Variants in MYT1L observed in about 807,000 individuals in gnomAD.
MYT1L encodes myelin transcription factor 1 like.
In MYT1L, 12 loss-of-function variants were observed where a neutral mutation model predicts 126.7. That is an observed-to-expected ratio of 0.09 (90% CI 0.06 to 0.15). The LOEUF (loss-of-function observed/expected upper bound fraction) is 0.15. MYT1L is among the 10% of genes least tolerant of loss of function. The probability of loss-of-function intolerance (pLI) is 1.00; values close to 1 mark genes in which losing one functional copy is unlikely to be tolerated. For synonymous variants in MYT1L, 541 were observed against 604.2 expected (o/e 0.90, Z 1.53); for missense variants, 979 against 1,585.2 (o/e 0.62, Z 6.49).
In MYT1L at chr2:1,969,532, C is replaced by T. The variant is rs976785953; in HGVS notation, c.152+9633G>A. Among the ~76,000 whole-genome samples, 62 of 152,198 alleles carry T rather than the reference C, an allele frequency of 4.1e-4. 1 individual carries two copies. Among genetic ancestry groups the T allele is most frequent in the Admixed American group, 3.0e-3 (46 of 15,288 alleles). ...TTCTCACTTAGCTGGTCCCAGGTGA[C>T]GCTGATGTTCTGGATCAGGGAACCC... On this transcript the variant is annotated intron_variant, in intron 8 of 24. Transcript: ENST00000647738.
rs2042830874 is a variant in MYT1L at position 1,848,706 on chromosome 2, T to C, written c.2774+2935A>G. ...GTTTCCTTGTTTGCTTGTTGGCTTC[T>C]GTCTGTCTGCAGCAGCTCATTTACA... is the stretch of plus-strand genomic sequence containing the variant. On this transcript the variant is annotated intron_variant, in intron 19 of 24. Transcript: ENST00000647738. This position sits in a 1 kb window ranked among gnomAD's most constrained non-coding sequence, Gnocchi z 4.8. 6.6e-6 allele frequency among the ~76,000 whole-genome samples: 1 copy of C among 152,182 alleles called. No homozygotes were observed. The highest frequency in any genetic ancestry group is 2.1e-4 in the South Asian group (1 of 4,822).
At chr2:2,063,718 C>T (rs1444329227) in intron 3 of MYT1L, among the ~76,000 whole-genome samples, 2 of 152,106 alleles carry the variant, frequency 1.3e-5, no homozygotes, top group Non-Finnish European at 2.9e-5. Flanking sequence ...ATGACACGTG[C>T]CTGTAATCCC....
intron 14 of MYT1L, among the ~76,000 whole-genome samples, chr2:1,900,469 T>C (rs2050190320): frequency 6.6e-6 from 1 of 152,068 alleles, no homozygotes; most frequent in African/African-American, 2.4e-5. Flanking sequence ...CTGGCTAATT[T>C]TTTGTATTTT....
At chr2:1,919,874 G>A (rs987096213) in intron 10 of MYT1L, among the ~76,000 whole-genome samples, 81 of 152,024 alleles carry the variant, frequency 5.3e-4, no homozygotes, top group African/African-American at 1.8e-3. Context: ...GACTACAGGC[G>A]CCCACCACCA....
At position 1,979,158 on chromosome 2, in the gene MYT1L, G is replaced by C; in HGVS notation, c.152+7C>G. 1 of 1,611,296 alleles carries C rather than the reference G, an allele frequency of 6.2e-7. No individual in the cohort carries two copies. The highest frequency in any genetic ancestry group is 8.5e-7 in the Non-Finnish European group (1 of 1,178,416). On this transcript the variant is annotated splice_region_variant and intron_variant, in intron 8 of 24. Coordinates refer to ENST00000647738, the MANE Select transcript of MYT1L (RefSeq NM_001303052.2). This position sits in a 1 kb window ranked among gnomAD's most constrained non-coding sequence, Gnocchi z 4.0. ...GCACATTGTGGAAAAAAAAATGCAG[G>C]CATTACCTTCTGTGTCTTGCATATT...
chr2:2,060,471 T>A (rs890562644), intron 3 of MYT1L, among the ~76,000 whole-genome samples: 11 of 152,204 alleles, frequency 7.2e-5, no homozygotes, highest in African/African-American at 2.4e-4. Flanking sequence ...AAGAATGATC[T>A]ATTACTTTAT....
intron 4 of MYT1L, among the ~76,000 whole-genome samples, chr2:2,038,611 C>T (rs543182580): frequency 1.3e-5 from 2 of 152,226 alleles, no homozygotes; most frequent in South Asian, 2.1e-4. Flanking sequence ...CCCTTCAAAT[C>T]GATTTTTTAT....
intron 1 of MYT1L, among the ~76,000 whole-genome samples, chr2:2,292,293 G>C (rs541465346): frequency 6.0e-4 from 91 of 152,344 alleles, no homozygotes; most frequent in Middle Eastern, 3.4e-3. Context: ...GCTCAGGCCA[G>C]CCTGCGGCCT....
In MYT1L at chr2:2,285,956, A is replaced by G. The variant is rs140168997; in HGVS notation, c.-520-1453T>C. 2.6e-5 allele frequency among the ~76,000 whole-genome samples: 4 copies of G among 151,478 alleles called. No individual in the cohort carries two copies. In the East Asian group the frequency reaches 7.8e-4, roughly 30 times the overall value. ...CTCAGACCCTCCAAACAATCCTCCA[A>G]TTCTTTGTTCTTCACTCTTCTTCTT... On this transcript the variant is annotated intron_variant, in intron 1 of 24. Coordinates refer to ENST00000647738, the MANE Select transcript of MYT1L (RefSeq NM_001303052.2).
intron 1 of MYT1L, among the ~76,000 whole-genome samples, chr2:2,291,712 AGCTTCCCTT>A (rs1275776167): frequency 3.9e-5 from 6 of 152,216 alleles, no homozygotes; most frequent in Non-Finnish European, 8.8e-5. Context: ...GGTGGACAGC[AGCTTCCCTT>A]GCCACGTGCA....
intron 9 of MYT1L, among the ~76,000 whole-genome samples, chr2:1,942,194 C>T (rs115617215): frequency 0.011 from 1,680 of 152,282 alleles, 16 homozygotes; most frequent in Admixed American, 0.023. Flanking sequence ...ACAAACAAAA[C>T]CACAAAACTC....
chr2:2,180,024 C>T (rs1183987481), intron 2 of MYT1L, among the ~76,000 whole-genome samples: 1 of 152,172 alleles, frequency 6.6e-6, no homozygotes, highest in African/African-American at 2.4e-5. Flanking sequence ...CACACTGTTT[C>T]ACACAGCCAG....
At chr2:1,950,300 A>AT (rs1256727909) in intron 8 of MYT1L, among the ~76,000 whole-genome samples, 1 of 152,050 alleles carries the variant, frequency 6.6e-6, no homozygotes, top group African/African-American at 2.4e-5. Context: ...AAGAATATCT[A>AT]TTTTTCCCTA....
rs551510919 is a variant in MYT1L at position 2,218,116 on chromosome 2, G to A, written c.-420-45128C>T. The stretch of plus-strand genomic sequence containing the variant: ...GGAATAAGAGAGCTCATATACTGCA[G>A]GTGGGAATGTAAAATGGTAGACTTT... On this transcript the variant is annotated intron_variant, in intron 2 of 24. Coordinates refer to ENST00000647738, the MANE Select transcript of MYT1L (RefSeq NM_001303052.2). Among the ~76,000 whole-genome samples, 23 of 152,274 alleles carry A rather than the reference G, an allele frequency of 1.5e-4. No homozygotes were observed. The South Asian group carries it at 4.8e-3, about 32-fold the overall frequency.
At chr2:2,181,368 C>G (rs2148641034) in intron 2 of MYT1L, among the ~76,000 whole-genome samples, 1 of 152,236 alleles carries the variant, frequency 6.6e-6, no homozygotes, top group Non-Finnish European at 1.5e-5. Flanking sequence ...CTCTGACACA[C>G]AGAAACTTCA....
At chr2:1,925,862 A>T (rs1318662125) in intron 9 of MYT1L, among the ~76,000 whole-genome samples, 1 of 152,148 alleles carries the variant, frequency 6.6e-6, no homozygotes, top group Non-Finnish European at 1.5e-5. Context: ...TAATTAGCTC[A>T]GTGGGGATAG....
chr2:2,238,891 T>C (rs1277726695), intron 2 of MYT1L, among the ~76,000 whole-genome samples: 1 of 152,076 alleles, frequency 6.6e-6, no homozygotes, highest in African/African-American at 2.4e-5. Context: ...TTTATCTTGG[T>C]CTCTTGTGAT....
chr2:2,233,040 C>A (rs2094197443), intron 2 of MYT1L, among the ~76,000 whole-genome samples: 1 of 152,192 alleles, frequency 6.6e-6, no homozygotes, highest in African/African-American at 2.4e-5. Flanking sequence ...TGACTCAGGG[C>A]CCAGCCTGCA....
intron 3 of MYT1L, among the ~76,000 whole-genome samples, chr2:2,088,405 T>C (rs1038546693): frequency 5.3e-5 from 8 of 152,106 alleles, no homozygotes; most frequent in Non-Finnish European, 7.4e-5. Context: ...CTATGAGGTG[T>C]TTGCAGTCCT....
Sources: allele counts gnomAD v4.1 joint callset (sites outside exome capture counted in the v4.1 genomes callset), GRCh38; gene constraint gnomAD v4.1.1; non-coding constraint Gnocchi (gnomAD v3.1); transcripts MANE v1.5; gene names NCBI Gene and HGNC (gene_info 2026-07-23, HGNC 2026-07-21).